Variants in MAP1B observed in about 807,000 individuals in gnomAD.
MAP1B encodes the protein microtubule-associated protein 1B.
MAP1B carries 12 observed loss-of-function variants against 176.1 expected under a neutral mutation model. The ratio of observed to expected loss-of-function variants is 0.07; its 90% CI spans 0.04 to 0.11. The LOEUF (loss-of-function observed/expected upper bound fraction) is 0.11, where lower values mean the gene tolerates loss of function less well. Among genes scored for constraint, MAP1B ranks in the 10% least tolerant of loss-of-function variants. MAP1B has a pLI of 1.00. For synonymous variants in MAP1B, 1,044 were observed against 1,135.0 expected (o/e 0.92, Z 1.61); for missense variants, 2,523 against 2,990.5 (o/e 0.84, Z 3.65).
At chr5:72,157,873 T>C (rs1746253315) in intron 2 of MAP1B, among the ~76,000 whole-genome samples, 1 of 152,184 alleles carries the variant, frequency 6.6e-6, no homozygotes, top group Non-Finnish European at 1.5e-5. Context: ...TCTTTCTTGC[T>C]CTGTCACCCA....
chr5:72,179,336 C>T (rs1201671680), intron 2 of MAP1B, among the ~76,000 whole-genome samples: 1 of 152,144 alleles, frequency 6.6e-6, no homozygotes, highest in Non-Finnish European at 1.5e-5. Flanking sequence ...TGTGAGGTGT[C>T]GAATGGAGAA....
intron 2 of MAP1B, among the ~76,000 whole-genome samples, chr5:72,122,272 T>C (rs1294935325): frequency 6.6e-6 from 1 of 152,050 alleles, no homozygotes; most frequent in Admixed American, 6.6e-5. Flanking sequence ...CAGCTCCTCA[T>C]GCTGTCCGCT....
At position 72,195,082 on chromosome 5, in the gene MAP1B, A is replaced by G; in HGVS notation, c.1727A>G (p.Lys576Arg). 1 of 1,614,122 alleles carries G rather than the reference A, an allele frequency of 6.2e-7. No homozygotes were observed. The highest frequency in any genetic ancestry group is 8.5e-7 in the Non-Finnish European group (1 of 1,180,032). The change falls in exon 5 of 7, where the codon AAG becomes AGG. Residue 576 changes from lysine (K) to arginine (R), a missense_variant. Around this residue, in one of 4 missense-constraint regions of MAP1B, gnomAD observed 1,925 missense variants for 2,126.0 expected, o/e 0.91. Transcript: ENST00000296755. Reference sequence around the variant, plus strand: ...GTCACAAAAGTGAATCACGTGGAAAAGCCACCCAAAGTTGAAAGCAAAGAA... The same window carrying G: ...GTCACAAAAGTGAATCACGTGGAAAGGCCACCCAAAGTTGAAAGCAAAGAA... Reference protein sequence around the residue: ...PEVTKVNHVEKPPKVESKEKV... With the variant: ...PEVTKVNHVERPPKVESKEKV...
intron 4 of MAP1B, chr5:72,193,293 C>T: frequency 2.3e-6 from 1 of 428,428 alleles, no homozygotes; most frequent in South Asian, 1.7e-5. Context: ...GAAAGGAGGC[C>T]ACAACAAGTG....
intron 1 of MAP1B, 65 bp downstream of exon 1, chr5:72,107,780 C>A: frequency 1.3e-6 from 2 of 1,553,336 alleles, no homozygotes; most frequent in Non-Finnish European, 1.7e-6. Flanking sequence ...CCACCCAGGG[C>A]GCGACGGTCA....
rs764986384 is a variant in MAP1B at position 72,198,404 on chromosome 5, G to T, written c.5049G>T (p.Gly1683=). 1 of 1,613,914 alleles carries T rather than the reference G, an allele frequency of 6.2e-7. No homozygotes were observed. Among genetic ancestry groups the T allele is most frequent in the African/African-American group, 1.3e-5 (1 of 74,878 alleles). ...GAGVLHITEN[G]PTEVDYSPSD... is the part of the protein sequence containing the mutation. ...GCGTGCTTCACATCACTGAAAATGG[G>T]CCAACTGAAGTGGACTACAGTCCTT... Residue 1683 remains glycine (G), a synonymous_variant, in exon 5 of 7, where the codon GGG becomes GGT. Coordinates refer to ENST00000296755, the MANE Select transcript of MAP1B (RefSeq NM_005909.5).
At chr5:72,146,714 G>A (rs1360476436) in intron 2 of MAP1B, among the ~76,000 whole-genome samples, 1 of 152,152 alleles carries the variant, frequency 6.6e-6, no homozygotes, top group African/African-American at 2.4e-5. Flanking sequence ...CAATTCTGAA[G>A]ACCCTCAAAT....
rs191020846 is a variant in MAP1B at position 72,165,264 on chromosome 5, G to C, written c.287-18479G>C. ...TTGTCTTAATTATTTGTTTATTTTT[G>C]CTCCTCTGCCCCTACTAGAATGGAA... On this transcript the variant is annotated intron_variant, in intron 2 of 6. Coordinates refer to ENST00000296755, the MANE Select transcript of MAP1B (RefSeq NM_005909.5). 4.0e-5 allele frequency among the ~76,000 whole-genome samples: 6 copies of C among 151,806 alleles called. No individual in the cohort carries two copies. The East Asian group carries it at 1.2e-3, about 29-fold the overall frequency.
At chr5:72,176,902 G>A (rs1021043776) in intron 2 of MAP1B, among the ~76,000 whole-genome samples, 2 of 152,192 alleles carry the variant, frequency 1.3e-5, no homozygotes, top group African/African-American at 2.4e-5. Flanking sequence ...GAGTTGATTG[G>A]GGGAGTTAAT....
At chr5:72,115,601 C>T (rs1439341793) in intron 1 of MAP1B, 97 bp from the exon 2 acceptor site, 6 of 762,592 alleles carry the variant, frequency 7.9e-6, no homozygotes, top group Non-Finnish European at 9.5e-6. Flanking sequence ...TTCCCACATC[C>T]TCCCTGAAAG....
chr5:72,116,309 A>C (rs79803399), intron 2 of MAP1B: 19 of 304,830 alleles, frequency 6.2e-5, no homozygotes, highest in Non-Finnish European at 1.1e-4. Flanking sequence ...TGAAATATAC[A>C]TCATCATTTC....
intron 2 of MAP1B, chr5:72,179,647 C>T (rs774731861): frequency 8.7e-5 from 86 of 985,338 alleles, no homozygotes; most frequent in East Asian, 1.1e-4. Flanking sequence ...GGCGGCCCAG[C>T]CCCAGGTTAC....
At chr5:72,116,648 T>C (rs1374084656) in intron 2 of MAP1B, among the ~76,000 whole-genome samples, 1 of 152,144 alleles carries the variant, frequency 6.6e-6, no homozygotes, top group Non-Finnish European at 1.5e-5. Context: ...TTCTGGCCCA[T>C]AAAGACTCCA....
At position 72,118,406 on chromosome 5, in the gene MAP1B, A is replaced by G. The variant is rs539413008; in HGVS notation, c.286+2607A>G. Among the ~76,000 whole-genome samples the G allele has an allele frequency of 9.8e-5, 15 of 152,350 alleles. No homozygotes were observed. The South Asian group carries it at 3.1e-3, about 32-fold the overall frequency. On this transcript the variant is annotated intron_variant, in intron 2 of 6. Transcript: ENST00000296755. ...GAGCCATTTTTCAGCCAGGTAAAACATTGTTAAAAATAGCACCTACAATAT... is the reference window on the plus strand; with the variant it reads ...GAGCCATTTTTCAGCCAGGTAAAACGTTGTTAAAAATAGCACCTACAATAT...
Position 72,186,579 on chromosome 5 carries a change from A to G in MAP1B, c.370-35A>G. The G allele has an allele frequency of 1.2e-6, 2 of 1,609,682 alleles. No homozygotes were observed. Among genetic ancestry groups the G allele is most frequent in the East Asian group, 2.2e-5 (1 of 44,800 alleles). ...TGAAGGTGGGATGGCAGCACTGCCC[A>G]TGGCTCAGGGCCTACGTTCTGTGCT... On this transcript the variant is annotated intron_variant, in intron 3 of 6. Transcript: ENST00000296755. The surrounding 1 kb of genome is among the most constrained non-coding windows in gnomAD (Gnocchi z 4.3).
At chr5:72,184,024 A>G (rs1746838379) in intron 3 of MAP1B, among the ~76,000 whole-genome samples, 199 bp downstream of exon 3, 1 of 152,208 alleles carries the variant, frequency 6.6e-6, no homozygotes, top group African/African-American at 2.4e-5. Flanking sequence ...CCTGATAAGG[A>G]CAAAGAAGAA....
At chr5:72,179,468 G>A (rs909002061) in intron 2 of MAP1B, among the ~76,000 whole-genome samples, 1 of 152,220 alleles carries the variant, frequency 6.6e-6, no homozygotes, top group Non-Finnish European at 1.5e-5. Context: ...CCTTCAGAAT[G>A]CCTGGCCCGT....
At chr5:72,131,223 G>A (rs1745727775) in intron 2 of MAP1B, among the ~76,000 whole-genome samples, 1 of 152,194 alleles carries the variant, frequency 6.6e-6, no homozygotes, top group Non-Finnish European at 1.5e-5. Flanking sequence ...AACTGATGTG[G>A]TAAGGGGTAA....
chr5:72,117,632 C>T (rs1168738404), intron 2 of MAP1B, among the ~76,000 whole-genome samples: 2 of 152,218 alleles, frequency 1.3e-5, no homozygotes, highest in African/African-American at 4.8e-5. Flanking sequence ...TTCTCCTCTC[C>T]TTTCTCCTGC....
Sources: gnomAD v4.1 joint callset for allele counts (sites outside exome capture counted in the v4.1 genomes callset) on GRCh38, gnomAD v4.1.1 for gene constraint, gnomAD v4.1.1 regional missense constraint, Gnocchi (gnomAD v3.1) non-coding constraint, MANE v1.5 for transcripts, NCBI Gene and HGNC (gene_info 2026-07-23, HGNC 2026-07-21) for gene names.